The following RYR2 variants were observed in gnomAD, a reference collection of about 807,000 sequenced individuals.
RYR2 encodes cardiac muscle ryanodine receptor-calcium release channel.
RYR2 carries 227 observed loss-of-function variants against 601.1 expected under a neutral mutation model. The observed-to-expected ratio is 0.38, with a 90% CI of 0.34 to 0.42. The LOEUF is 0.42. RYR2 is among the 10% of genes least tolerant of loss of function. RYR2 has a pLI of 1.00. For missense variants in RYR2, 4,646 were observed against 6,156.5 expected (o/e 0.75, Z 8.21); for synonymous variants, 2,223 against 2,175.1 (o/e 1.02, Z -0.61).
chr1:237,601,527 G>C lies in RYR2; in HGVS notation c.4597-498G>C, dbSNP rs559255916. ...AGCGCTGGTGTCCTATTGGACAGTAGGGTGACTATAGTCAACCATCAGGTA... is the reference window on the plus strand; with the variant it reads ...AGCGCTGGTGTCCTATTGGACAGTACGGTGACTATAGTCAACCATCAGGTA... On this transcript the variant is annotated intron_variant, in intron 34 of 104. Transcript: ENST00000366574. Among the ~76,000 whole-genome samples the C allele has an allele frequency of 1.9e-3, 291 of 152,154 alleles. 2 individuals are homozygous for C. The highest frequency in any genetic ancestry group is 6.6e-3 in the African/African-American group (275 of 41,546).
At chr1:237,211,390 G>C (rs1302230235) in intron 1 of RYR2, among the ~76,000 whole-genome samples, 1 of 152,190 alleles carries the variant, frequency 6.6e-6, no homozygotes, top group Non-Finnish European at 1.5e-5. Context: ...ATCTTTGTTA[G>C]CATGATAATT....
intron 39 of RYR2, among the ~76,000 whole-genome samples, chr1:237,624,947 C>A (rs1436263229): frequency 6.6e-6 from 1 of 150,740 alleles, no homozygotes; most frequent in Admixed American, 6.6e-5. Context: ...AAATGACTCC[C>A]AGAAAATTAT....
At chr1:237,306,636 CT>C (rs1231721704) in intron 2 of RYR2, among the ~76,000 whole-genome samples, 2 of 152,048 alleles carry the variant, frequency 1.3e-5, no homozygotes, top group African/African-American at 2.4e-5. Context: ...TCAGCTTTGA[CT>C]TTTTTCGTGT....
At chr1:237,237,957 CTTTCCTTT>C (rs1558476833) in intron 1 of RYR2, among the ~76,000 whole-genome samples, 1 of 62,614 alleles carries the variant, frequency 1.6e-5, no homozygotes, top group Non-Finnish European at 3.8e-5. Flanking sequence ...CTTTCCTTTC[CTTTCCTTT>C]CCTTTCCTTT....
Position 237,589,890 on chromosome 1 carries a change from A to G in RYR2, c.3696A>G (p.Leu1232=). The part of the protein sequence containing the change: ...STLKYFTICG[L]QEGYEPFAVN... Reference sequence around the variant, plus strand: ...TGAAATATTTCACCATCTGTGGCTTACAAGAGGGCTATGAACCATTTGCCG... The same window carrying G: ...TGAAATATTTCACCATCTGTGGCTTGCAAGAGGGCTATGAACCATTTGCCG... Residue 1232 remains leucine, a synonymous_variant, in exon 30 of 105, where the codon TTA becomes TTG. Coordinates refer to ENST00000366574, the MANE Select transcript of RYR2 (RefSeq NM_001035.3). 3.7e-6 allele frequency: 6 copies of G among 1,613,966 alleles called. No homozygotes were observed. The highest frequency in any genetic ancestry group is 5.1e-6 in the Non-Finnish European group (6 of 1,179,882).
intron 21 of RYR2, among the ~76,000 whole-genome samples, chr1:237,501,919 T>C (rs1023902003): frequency 6.6e-6 from 1 of 152,204 alleles, no homozygotes; most frequent in Non-Finnish European, 1.5e-5. Flanking sequence ...GGTGGAAGGA[T>C]TGCTTAAGGT....
At position 237,054,256 on chromosome 1, in the gene RYR2, CTTCCTCCCTTCCTTCCCTT is replaced by C. The variant is rs1341033751; in HGVS notation, c.48+11697_48+11715del. ...CTTCTCTCCCTCCCTTTATCCATCA[CTTCCTCCCTTCCTTCCCTT>C]TTCCTCCCTCCCTCCCTTCCTCCTT... On this transcript the variant is annotated intron_variant, in intron 1 of 104. Transcript: ENST00000366574. 2.0e-5 allele frequency among the ~76,000 whole-genome samples: 3 copies of C among 148,282 alleles called. No homozygotes were observed. The East Asian group carries it at 6.0e-4, about 30-fold the overall frequency.
chr1:237,753,982 A>G (rs978807426), intron 80 of RYR2, among the ~76,000 whole-genome samples: 10 of 151,074 alleles, frequency 6.6e-5, no homozygotes, highest in African/African-American at 2.2e-4. Flanking sequence ...TTACATGCCC[A>G]GAAGCTGTTC....
rs756310498 is a variant in RYR2 at position 237,793,984 on chromosome 1, G to A, written c.13900G>A (p.Val4634Ile). Residue 4634 changes from valine to isoleucine, a missense_variant, in exon 95 of 105, where the codon GTA (valine) becomes ATA (isoleucine). Val to Ile is a conservative substitution (Grantham distance 29). Transcript: ENST00000366574. ...DDIKGQWDRLVINTQSFPNNY... is the reference protein window; with the variant it reads ...DDIKGQWDRLIINTQSFPNNY... ...TATTAAAGGCCAGTGGGATAGACTC[G>A]TAATCAACACACAGTGAGTAAATAA... is the stretch of plus-strand genomic sequence containing the variant. 26 of 1,610,954 alleles carry A rather than the reference G, an allele frequency of 1.6e-5. No individual in the cohort carries two copies. The highest frequency in any genetic ancestry group is 2.7e-5 in the African/African-American group (2 of 74,864).
intron 73 of RYR2, among the ~76,000 whole-genome samples, chr1:237,719,932 C>T (rs1012586351): frequency 5.3e-5 from 8 of 152,142 alleles, no homozygotes; most frequent in Admixed American, 2.6e-4. Flanking sequence ...TAGGCTATAT[C>T]GAGATTTGCA....
At chr1:237,168,054 G>A (rs1021166986) in intron 1 of RYR2, among the ~76,000 whole-genome samples, 8 of 152,088 alleles carry the variant, frequency 5.3e-5, no homozygotes, top group Non-Finnish European at 1.0e-4. Context: ...AAAGAGAAAC[G>A]GATTCATTGA....
chr1:237,385,282 A>G (rs1280165700), intron 8 of RYR2, among the ~76,000 whole-genome samples: 2 of 152,212 alleles, frequency 1.3e-5, no homozygotes, highest in African/African-American at 2.4e-5. Context: ...TTACATATGC[A>G]TATACATACA....
At chr1:237,501,049 AAGG>A (rs1464764113) in intron 21 of RYR2, 146 bp downstream of exon 21, 1 of 751,110 alleles carries the variant, frequency 1.3e-6, no homozygotes, top group Non-Finnish European at 2.2e-6. Flanking sequence ...CTGTGCCTTG[AAGG>A]AGGAGGTAAG....
chr1:237,561,296 A>G (rs3753623), intron 27 of RYR2, among the ~76,000 whole-genome samples: 7,321 of 152,306 alleles, frequency 0.048, 254 homozygotes, highest in East Asian at 0.13. Flanking sequence ...AGTGTTTACT[A>G]TGTGCCAGGA....
intron 27 of RYR2, among the ~76,000 whole-genome samples, chr1:237,554,875 T>C (rs1162409638): frequency 6.6e-6 from 1 of 152,068 alleles, no homozygotes; most frequent in East Asian, 1.9e-4. Flanking sequence ...TCTTTTTATC[T>C]TGATCACTTC....
intron 27 of RYR2, among the ~76,000 whole-genome samples, chr1:237,559,218 G>A (rs935322142): frequency 1.3e-5 from 2 of 152,130 alleles, no homozygotes; most frequent in South Asian, 4.2e-4. Flanking sequence ...TCCAGGGAGT[G>A]TTTATTTGAT....
intron 49 of RYR2, among the ~76,000 whole-genome samples, chr1:237,649,166 GT>G (rs1438565552): frequency 1.2e-4 from 19 of 152,156 alleles, no homozygotes; most frequent in Non-Finnish European, 2.1e-4. Context: ...ATAAGCTGAA[GT>G]TCTAAATGTT....
Position 237,160,849 on chromosome 1 carries a change from A to G in RYR2, c.49-109648A>G, listed in dbSNP as rs563464623. On this transcript the variant is annotated intron_variant, in intron 1 of 104. Coordinates refer to ENST00000366574, the MANE Select transcript of RYR2 (RefSeq NM_001035.3). Reference sequence around the variant, plus strand: ...ATTGTTCTTTGTAACTTCACTCTAAATCATTATAATTTATATTTTATTACT... The same window carrying G: ...ATTGTTCTTTGTAACTTCACTCTAAGTCATTATAATTTATATTTTATTACT... Among the ~76,000 whole-genome samples the G allele has an allele frequency of 5.3e-5, 8 of 152,264 alleles. No homozygotes were observed. The South Asian group carries it at 8.3e-4, about 16-fold the overall frequency.
chr1:237,821,769 G>C (rs1200681109), intron 101 of RYR2, among the ~76,000 whole-genome samples: 1 of 151,764 alleles, frequency 6.6e-6, no homozygotes, highest in Non-Finnish European at 1.5e-5. Context: ...AGGAAGCTAA[G>C]AACTTTGAAA....
Sources: allele counts gnomAD v4.1 joint callset (sites outside exome capture counted in the v4.1 genomes callset), GRCh38; gene constraint gnomAD v4.1.1; transcripts MANE v1.5; gene names NCBI Gene and HGNC (gene_info 2026-07-23, HGNC 2026-07-21).